The following ZNF385D variants were observed in gnomAD, a reference collection of about 807,000 sequenced individuals.
ZNF385D encodes zinc finger protein 659.
A neutral mutation model predicts 35.8 loss-of-function variants in ZNF385D; 15 were observed. That is an observed-to-expected ratio of 0.42 (90% confidence interval 0.28 to 0.64). The LOEUF (loss-of-function observed/expected upper bound fraction) is 0.64, where lower values mean the gene tolerates loss of function less well. Ranked by LOEUF, ZNF385D falls within the 30% of genes least tolerant of loss-of-function variation. The pLI, the probability that ZNF385D is intolerant of heterozygous loss-of-function variation, is 0.23. For synonymous variants in ZNF385D, 212 were observed against 186.8 expected (o/e 1.13, Z -1.10); for missense variants, 474 against 494.6 (o/e 0.96, Z 0.39).
At chr3:21,582,164 A>G (rs1335779945) in intron 2 of ZNF385D, among the ~76,000 whole-genome samples, 1 of 152,194 alleles carries the variant, frequency 6.6e-6, no homozygotes, top group Non-Finnish European at 1.5e-5. Context: ...ATTGAAATCT[A>G]ATGTTCTTCC....
chr3:21,598,610 T>C (rs1041201445), intron 2 of ZNF385D, among the ~76,000 whole-genome samples: 2 of 152,162 alleles, frequency 1.3e-5, no homozygotes, highest in Non-Finnish European at 2.9e-5. Context: ...AAAATATCTG[T>C]CGACTTGGAT....
intron 3 of ZNF385D, among the ~76,000 whole-genome samples, chr3:21,530,897 A>T (rs2061905836): frequency 6.6e-6 from 1 of 152,216 alleles, no homozygotes; most frequent in Non-Finnish European, 1.5e-5. Context: ...ACTTGTTCTT[A>T]CATCAAATGT....
intron 3 of ZNF385D, among the ~76,000 whole-genome samples, chr3:22,128,337 G>C (rs1223471281): frequency 6.6e-6 from 1 of 151,834 alleles, no homozygotes; most frequent in Non-Finnish European, 1.5e-5. Flanking sequence ...TGACTTTTGG[G>C]AGTCTGATTA....
intron 4 of ZNF385D, among the ~76,000 whole-genome samples, chr3:21,490,323 G>A (rs537776952): frequency 2.0e-5 from 3 of 152,124 alleles, no homozygotes; most frequent in Admixed American, 6.6e-5. Context: ...GTGTCACCAC[G>A]TCTGGCTCTT....
chr3:21,827,563 T>C (rs1309252539), intron 3 of ZNF385D, among the ~76,000 whole-genome samples: 3 of 152,160 alleles, frequency 2.0e-5, no homozygotes, highest in Admixed American at 6.5e-5. Flanking sequence ...AAAAATCACT[T>C]GTTGAACTAA....
chr3:21,596,164 A>G (rs1315427166), intron 2 of ZNF385D, among the ~76,000 whole-genome samples: 4 of 152,220 alleles, frequency 2.6e-5, no homozygotes, highest in Non-Finnish European at 5.9e-5. Flanking sequence ...AAAGTTATCC[A>G]AAGTTTGTCA....
intron 3 of ZNF385D, among the ~76,000 whole-genome samples, chr3:21,764,266 G>C (rs2070738679): frequency 6.6e-6 from 1 of 152,128 alleles, no homozygotes; most frequent in South Asian, 2.1e-4. Flanking sequence ...AGGAAAGGCA[G>C]GGGAGAGTGG....
At chr3:22,278,089 T>A (rs1701524842) in intron 2 of ZNF385D, among the ~76,000 whole-genome samples, 1 of 152,112 alleles carries the variant, frequency 6.6e-6, no homozygotes, top group Admixed American at 6.6e-5. Flanking sequence ...AATGACATTT[T>A]CTACACTGCA....
chr3:21,775,673 T>C (rs909895043), intron 3 of ZNF385D, among the ~76,000 whole-genome samples: 4 of 151,888 alleles, frequency 2.6e-5, no homozygotes, highest in African/African-American at 9.7e-5. Flanking sequence ...GTTGTTTTTG[T>C]ATTCCCCCAA....
chr3:21,927,922 T>G (rs1022928023), intron 3 of ZNF385D, among the ~76,000 whole-genome samples: 2 of 152,180 alleles, frequency 1.3e-5, no homozygotes, highest in African/African-American at 2.4e-5. Flanking sequence ...AGTAAGGAGA[T>G]AGAATACTGA....
chr3:22,285,874 A>T (rs1701997273), intron 2 of ZNF385D, among the ~76,000 whole-genome samples: 1 of 152,144 alleles, frequency 6.6e-6, no homozygotes, highest in African/African-American at 2.4e-5. Flanking sequence ...TTAATCCTTA[A>T]AAAGTATTTA....
chr3:21,595,491 T>C (rs914745697), intron 2 of ZNF385D, among the ~76,000 whole-genome samples: 1 of 143,924 alleles, frequency 6.9e-6, no homozygotes, highest in Non-Finnish European at 1.5e-5. Context: ...GTTTATGTAA[T>C]ATATATGTAT....
chr3:21,579,966 CAT>C (rs911136363), intron 2 of ZNF385D: 7 of 152,076 alleles, frequency 4.6e-5, no homozygotes, highest in African/African-American at 1.7e-4. Context: ...CCAACAAGGT[CAT>C]ATTCTGATGT....
intron 3 of ZNF385D, among the ~76,000 whole-genome samples, chr3:21,813,837 A>G (rs368977164): frequency 1.3e-5 from 2 of 152,124 alleles, no homozygotes; most frequent in Non-Finnish European, 2.9e-5. Flanking sequence ...ATTGAAATTC[A>G]GGAAATACAG....
chr3:21,635,015 A>G (rs2065387453), intron 2 of ZNF385D, among the ~76,000 whole-genome samples: 1 of 152,134 alleles, frequency 6.6e-6, no homozygotes, highest in South Asian at 2.1e-4. Flanking sequence ...TGCTATCAAA[A>G]GGCACTTCCC....
At chr3:21,439,546 C>A (rs1228859057) in intron 4 of ZNF385D, among the ~76,000 whole-genome samples, 3 of 151,994 alleles carry the variant, frequency 2.0e-5, no homozygotes, top group Non-Finnish European at 4.4e-5. Flanking sequence ...CCTAGTAATA[C>A]CCTGCTCTAA....
chr3:22,003,523 T>C (rs1695989959), intron 3 of ZNF385D, among the ~76,000 whole-genome samples: 1 of 152,142 alleles, frequency 6.6e-6, no homozygotes, highest in Non-Finnish European at 1.5e-5. Context: ...CTATACTCAA[T>C]GCAATCTTTT....
chr3:22,232,947 C>T (rs1698980940), intron 2 of ZNF385D, among the ~76,000 whole-genome samples: 2 of 152,142 alleles, frequency 1.3e-5, no homozygotes, highest in Non-Finnish European at 1.5e-5. Flanking sequence ...TCTGCTTAAA[C>T]AGATTTTTAA....
Position 21,791,628 on chromosome 3 carries a change from C to T in ZNF385D, c.326-126600G>A, listed in dbSNP as rs192009151. On this transcript the variant is annotated intron_variant, in intron 3 of 5. Transcript: ENST00000494108. ...ACATTAGCAGCTCTAACGGTTTTCA[C>T]TATTTAATGGCCTCTAACATTATGA... 1.3e-4 allele frequency among the ~76,000 whole-genome samples: 20 copies of T among 152,304 alleles called. No individual in the cohort carries two copies. In the East Asian group the frequency reaches 3.5e-3, roughly 26 times the overall value.
Sources: gnomAD v4.1 joint callset for allele counts (sites outside exome capture counted in the v4.1 genomes callset) on GRCh38, gnomAD v4.1.1 for gene constraint, MANE v1.5 for transcripts, NCBI Gene and HGNC (gene_info 2026-07-23, HGNC 2026-07-21) for gene names.